FBH1: variants seen among roughly 807,000 people sequenced by gnomAD.
FBH1 encodes F-box DNA helicase 1.
In FBH1, 43 loss-of-function variants were observed where a neutral mutation model predicts 115.5. The observed-to-expected ratio is 0.37, with a 90% CI of 0.29 to 0.48. FBH1 has a LOEUF of 0.48. Ranked by LOEUF, FBH1 falls within the 20% of genes least tolerant of loss-of-function variation. FBH1 has a pLI of 0.99. For synonymous variants in FBH1, 524 were observed against 507.8 expected, an observed-to-expected ratio of 1.03 and a Z score of -0.43; for missense variants, 1,001 against 1,337.3, an observed-to-expected ratio of 0.75 and a Z score of 3.92.
intron 19 of FBH1, chr10:5,928,496 A>C (rs1832786110): frequency 6.6e-6 from 1 of 152,178 alleles, no homozygotes; most frequent in African/African-American, 2.4e-5. Flanking sequence ...GGTTTTGTGC[A>C]CCCAGCCTTC....
Position 5,917,557 on chromosome 10 carries a change from G to T in FBH1, c.1877-33G>T. On this transcript the variant is annotated intron_variant, in intron 11 of 20. Coordinates refer to ENST00000362091, the MANE Select transcript of FBH1 (RefSeq NM_178150.3). This position sits in a 1 kb window ranked among gnomAD's most constrained non-coding sequence, Gnocchi z 5.6. ...ACTGGCCAATGGGACTGCCTTCCTGGCGTTACAACTCCTGCGTCTCTCCTT... is the reference window on the plus strand; with the variant it reads ...ACTGGCCAATGGGACTGCCTTCCTGTCGTTACAACTCCTGCGTCTCTCCTT... 3.1e-6 allele frequency: 5 copies of T among 1,613,704 alleles called. No homozygotes were observed. Among genetic ancestry groups the T allele is most frequent in the Non-Finnish European group, 4.2e-6 (5 of 1,179,600 alleles).
intron 19 of FBH1, chr10:5,929,537 A>C (rs578242144): frequency 1.3e-5 from 2 of 152,344 alleles, no homozygotes; most frequent in South Asian, 4.1e-4. Context: ...ATCTTTAGCC[A>C]CTAAAGCACA....
chr10:5,916,165 A>C, intron 9 of FBH1, 69 bp from the exon 10 acceptor site: 3 of 1,354,044 alleles, frequency 2.2e-6, no homozygotes, highest in Non-Finnish European at 3.1e-6. Context: ...ATTAGAGAGA[A>C]TGGAGGGGAC....
At chr10:5,908,005 G>C (rs548659483) in intron 3 of FBH1, among the ~76,000 whole-genome samples, 1 of 152,200 alleles carries the variant, frequency 6.6e-6, no homozygotes, top group Non-Finnish European at 1.5e-5. Context: ...GGAGTATTCT[G>C]TATATGTTCG....
rs903569167 is a variant in FBH1, at chr10:5,932,793, C to G, written c.2830-3663C>G. On this transcript the variant is annotated intron_variant, in intron 19 of 20. Coordinates refer to ENST00000362091, the MANE Select transcript of FBH1 (RefSeq NM_178150.3). The surrounding 1 kb of genome is among the most constrained non-coding windows in gnomAD (Gnocchi z 5.9). ...AATATGGCGGCACAATCTTGGCCCA[C>G]TGCAACCTCCGCCTCCCAGGCTCAA... Among the ~76,000 whole-genome samples the G allele has an allele frequency of 5.3e-5, 8 of 152,184 alleles. No homozygotes were observed. Among genetic ancestry groups the G allele is most frequent in the African/African-American group, 1.9e-4 (8 of 41,442 alleles).
Position 5,924,379 on chromosome 10 carries a change from A to T in FBH1, c.2467A>T (p.Arg823Trp), listed in dbSNP as rs777452044. 1 of 1,614,210 alleles carries T rather than the reference A, an allele frequency of 6.2e-7. No individual in the cohort carries two copies. The highest frequency in any genetic ancestry group is 8.5e-7 in the Non-Finnish European group (1 of 1,180,028). ...CAAAGAAGGCTTTAGTGGCTTCAAG[A>T]GGTATGTGACCGCTGCCGAGGACAA... ...VHKEGFSGFK[R>W]YVTAAEDKEL... is the part of the protein sequence containing the mutation. The change falls in exon 17 of 21, where the codon AGG becomes TGG. Residue 823 changes from arginine to tryptophan, a missense_variant. Arg to Trp is a moderately radical substitution (Grantham distance 101). This residue lies in a region of FBH1 where 521 missense variants were observed against 811.0 expected (regional missense o/e 0.64). Transcript: ENST00000362091. The surrounding 1 kb of genome is among the most constrained non-coding windows in gnomAD (Gnocchi z 6.2).
At position 5,925,171 on chromosome 10, in the gene FBH1, C is replaced by G. The variant is rs1832567706; in HGVS notation, c.2597-196C>G. 3.1e-6 allele frequency: 2 copies of G among 649,576 alleles called. No homozygotes were observed. Among genetic ancestry groups the G allele is most frequent in the South Asian group, 2.1e-5 (1 of 48,516 alleles). 40.2% of individuals were successfully genotyped at this position (649,576 alleles called of 1,614,324 possible). Reference sequence around the variant, plus strand: ...CTGCAACTAATTTTCGACTTTTCCCCTCGTCTTTTTCTTTTTTCTGTTCCC... The same window carrying G: ...CTGCAACTAATTTTCGACTTTTCCCGTCGTCTTTTTCTTTTTTCTGTTCCC... On this transcript the variant is annotated intron_variant, in intron 17 of 20. Coordinates refer to ENST00000362091, the MANE Select transcript of FBH1 (RefSeq NM_178150.3). The surrounding 1 kb of genome is among the most constrained non-coding windows in gnomAD (Gnocchi z 4.6).
At position 5,915,097 on chromosome 10, in the gene FBH1, G is replaced by A. The variant is rs893031515; in HGVS notation, c.1397-306G>A. Among the ~76,000 whole-genome samples the A allele has an allele frequency of 3.9e-5, 6 of 151,930 alleles. No homozygotes were observed. In the South Asian group the frequency reaches 6.2e-4, roughly 16 times the overall value. Reference sequence around the variant, plus strand: ...ATCCTGAGGGGTCCTTTTTGCCCTCGGGAACCCTACCTCTAATGGATACCC... The same window carrying A: ...ATCCTGAGGGGTCCTTTTTGCCCTCAGGAACCCTACCTCTAATGGATACCC... On this transcript the variant is annotated intron_variant, in intron 8 of 20. Transcript: ENST00000362091. This position sits in a 1 kb window ranked among gnomAD's most constrained non-coding sequence, Gnocchi z 5.2.
At chr10:5,896,150 T>G (rs1842990740) in intron 1 of FBH1, among the ~76,000 whole-genome samples, 1 of 152,160 alleles carries the variant, frequency 6.6e-6, no homozygotes, top group South Asian at 2.1e-4. Context: ...CGTGGTCCCT[T>G]CCTTTTAGTT....
chr10:5,897,434 A>G lies in FBH1; in HGVS notation c.2-5586A>G, dbSNP rs1039229005. Among the ~76,000 whole-genome samples the G allele has an allele frequency of 6.6e-6, 1 of 152,038 alleles. No individual in the cohort carries two copies. Among genetic ancestry groups the G allele is most frequent in the African/African-American group, 2.4e-5 (1 of 41,424 alleles). ...ACAGGGCTCCTGGCTCCCAGTTCAG[A>G]GCATCACAGCACCTCTCTCTGAGAC... On this transcript the variant is annotated intron_variant, in intron 1 of 20. Coordinates refer to ENST00000362091, the MANE Select transcript of FBH1 (RefSeq NM_178150.3). This position sits in a 1 kb window ranked among gnomAD's most constrained non-coding sequence, Gnocchi z 4.7.
Position 5,895,086 on chromosome 10 carries a change from C to A in FBH1, c.1+4740C>A, listed in dbSNP as rs1842935317. ...CATTGGACCTGTCAAGTGCCTGAGT[C>A]ATGTGATAATGGGCTACATTGCGCA... On this transcript the variant is annotated intron_variant, in intron 1 of 20. Transcript: ENST00000362091. This position sits in a 1 kb window ranked among gnomAD's most constrained non-coding sequence, Gnocchi z 5.0. 2 of 1,613,704 alleles carry A rather than the reference C, an allele frequency of 1.2e-6. No homozygotes were observed. Among genetic ancestry groups the A allele is most frequent in the Non-Finnish European group, 1.7e-6 (2 of 1,179,858 alleles).
rs1831880827 is a variant in FBH1, at chr10:5,915,642, T to A, written c.1565+71T>A. 2 of 1,449,440 alleles carry A rather than the reference T, an allele frequency of 1.4e-6. No homozygotes were observed. Among genetic ancestry groups the A allele is most frequent in the African/African-American group, 1.4e-5 (1 of 71,992 alleles). 89.8% of individuals were successfully genotyped at this position (1,449,440 alleles called of 1,614,324 possible). Reference sequence around the variant, plus strand: ...GCGTCTTACTGTTTTCCCGTGACGATCACATGTGAGCTTACACCACAGTGA... The same window carrying A: ...GCGTCTTACTGTTTTCCCGTGACGAACACATGTGAGCTTACACCACAGTGA... On this transcript the variant is annotated intron_variant, in intron 9 of 20. Transcript: ENST00000362091. This position sits in a 1 kb window ranked among gnomAD's most constrained non-coding sequence, Gnocchi z 5.2.
In FBH1 at chr10:5,913,165, G is replaced by A. The variant is rs747873853; in HGVS notation, c.1212-582G>A. On this transcript the variant is annotated intron_variant, in intron 6 of 20. Transcript: ENST00000362091. This position sits in a 1 kb window ranked among gnomAD's most constrained non-coding sequence, Gnocchi z 4.4. ...CCTGTGCCTCTGCTGATTGAACTTTGTCATCTTTGGTCCCTCTTGGTGACT... is the reference window on the plus strand; with the variant it reads ...CCTGTGCCTCTGCTGATTGAACTTTATCATCTTTGGTCCCTCTTGGTGACT... Among the ~76,000 whole-genome samples the A allele has an allele frequency of 2.6e-5, 4 of 152,126 alleles. No homozygotes were observed. The East Asian group carries it at 7.7e-4, about 29-fold the overall frequency.
chr10:5,893,182 T>G (rs1370392117), intron 1 of FBH1, among the ~76,000 whole-genome samples: 1 of 152,172 alleles, frequency 6.6e-6, no homozygotes, highest in Non-Finnish European at 1.5e-5. Flanking sequence ...GGTGTGCACC[T>G]GTAGTCCCAG....
Position 5,906,430 on chromosome 10 carries a change from C to A in FBH1, c.551C>A (p.Ala184Asp), listed in dbSNP as rs1843695426. ...SAESGETDQD[A>D]GDVGPDPIPD... ...GAGTCTGGTGAAACCGACCAAGATG[C>A]TGGGGACGTGGGTCCTGATCCCATT... is the stretch of plus-strand genomic sequence containing the variant. Residue 184 changes from alanine (A) to aspartate (D), a missense_variant, in exon 3 of 21, where the codon GCT becomes GAT. Ala to Asp is a moderately radical substitution (Grantham distance 126). Coordinates refer to ENST00000362091, the MANE Select transcript of FBH1 (RefSeq NM_178150.3). The surrounding 1 kb of genome is among the most constrained non-coding windows in gnomAD (Gnocchi z 7.3). 8 of 1,614,188 alleles carry A rather than the reference C, an allele frequency of 5.0e-6. No individual in the cohort carries two copies. In the East Asian group the frequency reaches 1.8e-4, roughly 36 times the overall value.
intron 15 of FBH1, among the ~76,000 whole-genome samples, chr10:5,922,155 A>AT (rs1832349601): frequency 6.6e-6 from 1 of 152,250 alleles, no homozygotes; most frequent in Non-Finnish European, 1.5e-5. Context: ...TCAAGAGCCT[A>AT]CTATGCATTA....
At position 5,918,149 on chromosome 10, in the gene FBH1, A is replaced by C. The variant is rs921120417; in HGVS notation, c.1964-193A>C. 2.0e-5 allele frequency among the ~76,000 whole-genome samples: 3 copies of C among 152,234 alleles called. No individual in the cohort carries two copies. Among genetic ancestry groups the C allele is most frequent in the Non-Finnish European group, 2.9e-5 (2 of 68,044 alleles). On this transcript the variant is annotated intron_variant, in intron 12 of 20. Coordinates refer to ENST00000362091, the MANE Select transcript of FBH1 (RefSeq NM_178150.3). The surrounding 1 kb of genome is among the most constrained non-coding windows in gnomAD (Gnocchi z 4.0). Reference sequence around the variant, plus strand: ...AAGGCGAAACATAATCTGCATTCCTAGCACCAGAAACTGTTTCTTTTGTCC... The same window carrying C: ...AAGGCGAAACATAATCTGCATTCCTCGCACCAGAAACTGTTTCTTTTGTCC...
rs1353248732 is a variant in FBH1 at position 5,932,858 on chromosome 10, C to T, written c.2830-3598C>T. Among the ~76,000 whole-genome samples the T allele has an allele frequency of 6.6e-6, 1 of 152,130 alleles. No homozygotes were observed. The highest frequency in any genetic ancestry group is 2.4e-5 in the African/African-American group (1 of 41,434). ...TCAGCCTCCCGAGCAGCTGGGACTA[C>T]AGGTGTGTGCCACCACACCTGGCTA... On this transcript the variant is annotated intron_variant, in intron 19 of 20. Transcript: ENST00000362091. The surrounding 1 kb of genome is among the most constrained non-coding windows in gnomAD (Gnocchi z 5.9).
rs1483459383 is a variant in FBH1, at chr10:5,918,965, C to T, written c.2100+487C>T. On this transcript the variant is annotated intron_variant, in intron 13 of 20. Coordinates refer to ENST00000362091, the MANE Select transcript of FBH1 (RefSeq NM_178150.3). This position sits in a 1 kb window ranked among gnomAD's most constrained non-coding sequence, Gnocchi z 4.0. ...GCGAAAAGTTTATTATGCGCTCCTT[C>T]CTTTCCAATCACATGTCTGTGTGAG... is the stretch of plus-strand genomic sequence containing the variant. 4.6e-5 allele frequency among the ~76,000 whole-genome samples: 7 copies of T among 152,226 alleles called. No individual in the cohort carries two copies. The highest frequency in any genetic ancestry group is 2.9e-5 in the Non-Finnish European group (2 of 68,048).
Sources: gnomAD v4.1 joint callset for allele counts (sites outside exome capture counted in the v4.1 genomes callset) on GRCh38, gnomAD v4.1.1 for gene constraint, gnomAD v4.1.1 regional missense constraint, Gnocchi (gnomAD v3.1) non-coding constraint, MANE v1.5 for transcripts, NCBI Gene and HGNC (gene_info 2026-07-23, HGNC 2026-07-21) for gene names.